The following HIVEP1 variants were observed in gnomAD, a reference collection of about 807,000 sequenced individuals.
HIVEP1 encodes the protein HIVEP zinc finger 1.
A neutral mutation model predicts 180.0 loss-of-function variants in HIVEP1; 36 were observed. The observed-to-expected ratio is 0.20, with a 90% CI of 0.15 to 0.26. The LOEUF (loss-of-function observed/expected upper bound fraction) is 0.26, where lower values mean the gene tolerates loss of function less well. Among genes scored for constraint, HIVEP1 ranks in the 10% least tolerant of loss-of-function variants. HIVEP1 has a pLI of 1.00. For missense variants in HIVEP1, 3,143 were observed against 3,268.7 expected, an observed-to-expected ratio of 0.96 and a Z score of 0.94; for synonymous variants, 1,239 against 1,239.0, an observed-to-expected ratio of 1.00 and a Z score of 0.00.
upstream of HIVEP1, chr6:12,012,219 GC>G (rs1259352188): frequency 1.6e-4 from 22 of 136,424 alleles, no homozygotes; most frequent in Admixed American, 2.9e-4. Context: ...CCTCCGCCCG[GC>G]GGCTGCGGCC....
chr6:12,027,793 T>C (rs1768683062), intron 2 of HIVEP1, among the ~76,000 whole-genome samples: 1 of 152,204 alleles, frequency 6.6e-6, no homozygotes, highest in African/African-American at 2.4e-5. Context: ...AGCATTATAA[T>C]TTGTCCTTAG....
upstream of HIVEP1, chr6:12,008,219 T>G (rs1336472795): frequency 6.6e-6 from 1 of 152,146 alleles, no homozygotes; most frequent in African/African-American, 2.4e-5. Context: ...GAATTTATGG[T>G]GTATGGAAAG....
chr6:12,169,038 C>T (rs991451898), downstream of HIVEP1, among the ~76,000 whole-genome samples: 2 of 152,112 alleles, frequency 1.3e-5, no homozygotes, highest in African/African-American at 2.4e-5. Flanking sequence ...CAGGCACACA[C>T]CACCACACTG....
At chr6:12,086,716 A>G (rs1773144646) in intron 2 of HIVEP1, among the ~76,000 whole-genome samples, 1 of 152,112 alleles carries the variant, frequency 6.6e-6, no homozygotes, top group Non-Finnish European at 1.5e-5. Context: ...TAGTTGAGAA[A>G]GGGGCAGGAT....
intron 2 of HIVEP1, among the ~76,000 whole-genome samples, chr6:12,045,831 T>C (rs1359817842): frequency 6.6e-6 from 1 of 152,244 alleles, no homozygotes; most frequent in African/African-American, 2.4e-5. Context: ...CAGTGGTGAA[T>C]ACGTGCCTAA....
At chr6:12,095,813 T>G (rs540601635) in intron 3 of HIVEP1, among the ~76,000 whole-genome samples, 1 of 152,112 alleles carries the variant, frequency 6.6e-6, no homozygotes, top group African/African-American at 2.4e-5. Flanking sequence ...AGCCCATGTC[T>G]TGGACTGTGC....
the HIVEP1 span, among the ~76,000 whole-genome samples, chr6:12,175,121 A>T: frequency 6.6e-6 from 1 of 152,232 alleles, no homozygotes; most frequent in Non-Finnish European, 1.5e-5. Context: ...TACTATCTCA[A>T]GGCTTGTCAT....
At chr6:12,169,332 T>G (rs1024179389), downstream of HIVEP1, among the ~76,000 whole-genome samples, 5 of 152,172 alleles carry the variant, frequency 3.3e-5, no homozygotes, top group Admixed American at 1.3e-4. Context: ...ACACACAGGT[T>G]TATCTGGAAC....
At chr6:12,117,791 G>GT (rs2113492101) in intron 3 of HIVEP1, among the ~76,000 whole-genome samples, 1 of 152,242 alleles carries the variant, frequency 6.6e-6, no homozygotes, top group African/African-American at 2.4e-5. Flanking sequence ...CATCCAAGTG[G>GT]TTTCTCATCT....
At chr6:12,204,481 G>A in the HIVEP1 span, among the ~76,000 whole-genome samples, 2 of 144,776 alleles carry the variant, frequency 1.4e-5, no homozygotes, top group Non-Finnish European at 3.1e-5. Flanking sequence ...GTGAATTTCA[G>A]CAACATGCAT....
In HIVEP1 at chr6:12,063,637, G is replaced by A. The variant is rs1771381464; in HGVS notation, c.41-25547G>A. ...GGGCTTGGATCTGGGTGGCTGAAGT[G>A]GGCAGCTTGGAGAGGTTTTTGGAGG... On this transcript the variant is annotated intron_variant, in intron 2 of 8. Transcript: ENST00000379388. This position sits in a 1 kb window ranked among gnomAD's most constrained non-coding sequence, Gnocchi z 4.2. Among the ~76,000 whole-genome samples the A allele has an allele frequency of 6.6e-6, 1 of 152,128 alleles. No homozygotes were observed. Among genetic ancestry groups the A allele is most frequent in the African/African-American group, 2.4e-5 (1 of 41,436 alleles).
intron 2 of HIVEP1, among the ~76,000 whole-genome samples, chr6:12,080,969 C>T (rs1038347421): frequency 2.0e-5 from 3 of 152,004 alleles, no homozygotes; most frequent in Non-Finnish European, 4.4e-5. Flanking sequence ...ACCTGCAGCT[C>T]CCTCTATCTC....
At chr6:12,071,940 G>T (rs1771997963) in intron 2 of HIVEP1, among the ~76,000 whole-genome samples, 2 of 152,218 alleles carry the variant, frequency 1.3e-5, no homozygotes, top group South Asian at 4.1e-4. Flanking sequence ...AAGAACTAAA[G>T]AAAAAGATAT....
chr6:12,027,198 C>A (rs1237467768), intron 2 of HIVEP1, among the ~76,000 whole-genome samples: 1 of 152,086 alleles, frequency 6.6e-6, no homozygotes, highest in African/African-American at 2.4e-5. Context: ...ATTTGTAAAC[C>A]CTTTTCTGTT....
chr6:12,073,350 A>G (rs1444591787), intron 2 of HIVEP1, among the ~76,000 whole-genome samples: 2 of 152,164 alleles, frequency 1.3e-5, no homozygotes, highest in Non-Finnish European at 2.9e-5. Context: ...CTTCTACACA[A>G]GCAGTTCAAA....
At chr6:12,078,984 G>T (rs528566383) in intron 2 of HIVEP1, among the ~76,000 whole-genome samples, 3 of 152,210 alleles carry the variant, frequency 2.0e-5, no homozygotes, top group African/African-American at 7.2e-5. Flanking sequence ...TGGATTAGTA[G>T]CCCAAGTTCA....
chr6:12,022,522 G>C (rs1581512672), intron 2 of HIVEP1, among the ~76,000 whole-genome samples: 1 of 152,172 alleles, frequency 6.6e-6, no homozygotes, highest in Non-Finnish European at 1.5e-5. Context: ...TTACTATAAA[G>C]ACAAAGAGTT....
At chr6:12,143,787 T>C (rs1759198086) in intron 7 of HIVEP1, among the ~76,000 whole-genome samples, 1 of 152,086 alleles carries the variant, frequency 6.6e-6, no homozygotes, top group African/African-American at 2.4e-5. Flanking sequence ...CCATTCCCAA[T>C]TGCTAAAAAG....
In HIVEP1 at chr6:12,124,562, A is replaced by G. The variant is rs1757931163; in HGVS notation, c.4767A>G (p.Pro1589=). 7.4e-6 allele frequency: 12 copies of G among 1,613,958 alleles called. No homozygotes were observed. Among genetic ancestry groups the G allele is most frequent in the East Asian group, 2.2e-5 (1 of 44,894 alleles). Residue 1589 remains proline, a synonymous_variant, in exon 4 of 9, where the codon CCA becomes CCG. Coordinates refer to ENST00000379388, the MANE Select transcript of HIVEP1 (RefSeq NM_002114.4). The stretch of plus-strand genomic sequence containing the variant: ...TGCCAAATCAAGTTATTTCAGATCC[A>G]GTTGGAACAGATCATTGTGTGACAT... The part of the protein sequence containing the change: ...HSLPNQVISD[P]VGTDHCVTSA...
Sources: allele counts gnomAD v4.1 joint callset (sites outside exome capture counted in the v4.1 genomes callset), GRCh38; gene constraint gnomAD v4.1.1; non-coding constraint Gnocchi (gnomAD v3.1); transcripts MANE v1.5; gene names NCBI Gene and HGNC (gene_info 2026-07-23, HGNC 2026-07-21).